The following DPYSL3 variants were observed in gnomAD, a reference collection of about 807,000 sequenced individuals.
DPYSL3 encodes dihydropyrimidinase-related protein 3.
In DPYSL3, 16 loss-of-function variants were observed where a neutral mutation model predicts 66.1. The ratio of observed to expected loss-of-function variants is 0.24; its 90% CI spans 0.16 to 0.37. DPYSL3 has a LOEUF of 0.37. DPYSL3 is among the 10% of genes least tolerant of loss of function. DPYSL3 has a pLI of 1.00. For missense variants in DPYSL3, 738 were observed against 916.2 expected, an observed-to-expected ratio of 0.81 and a Z score of 2.51; for synonymous variants, 338 against 345.1, an observed-to-expected ratio of 0.98 and a Z score of 0.23.
chr5:147,423,444 A>T (rs1235248447), intron 2 of DPYSL3, among the ~76,000 whole-genome samples: 1 of 152,236 alleles, frequency 6.6e-6, no homozygotes, highest in Non-Finnish European at 1.5e-5. Flanking sequence ...GAATAATAAT[A>T]GTACAGTACT....
chr5:147,394,311 T>A (rs1271247599), intron 13 of DPYSL3, among the ~76,000 whole-genome samples, 188 bp from the exon 14 acceptor site: 1 of 152,188 alleles, frequency 6.6e-6, no homozygotes, highest in Non-Finnish European at 1.5e-5. Context: ...CCCCGAAAAC[T>A]AGCCTCTGGT....
chr5:147,455,454 C>T (rs765575712), intron 1 of DPYSL3, among the ~76,000 whole-genome samples: 42 of 152,160 alleles, frequency 2.8e-4, no homozygotes, highest in Admixed American at 7.2e-4. Flanking sequence ...TTGCAAAACA[C>T]AAGGGGGAAT....
rs565653687 is a variant in DPYSL3, at chr5:147,475,204, T to G, written c.381+34274A>C. On this transcript the variant is annotated intron_variant, in intron 1 of 13. Coordinates refer to ENST00000343218, the MANE Select transcript of DPYSL3 (RefSeq NM_001197294.2). The stretch of plus-strand genomic sequence containing the variant: ...CTAAAACCTGGAAACACCCCAAATA[T>G]CCTTCAAAAATTGGTGATATCTGAA... 2.6e-5 allele frequency among the ~76,000 whole-genome samples: 4 copies of G among 152,148 alleles called. No individual in the cohort carries two copies. In the East Asian group the frequency reaches 5.8e-4, roughly 22 times the overall value.
At chr5:147,477,561 C>CTTT (rs56406515) in intron 1 of DPYSL3, among the ~76,000 whole-genome samples, 43 of 64,764 alleles carry the variant, frequency 6.6e-4, no homozygotes, top group African/African-American at 9.1e-4. Flanking sequence ...ACACCTAAAT[C>CTTT]TTTTTTTTTT....
At chr5:147,446,466 G>A (rs1752631181) in intron 1 of DPYSL3, among the ~76,000 whole-genome samples, 1 of 152,202 alleles carries the variant, frequency 6.6e-6, no homozygotes, top group African/African-American at 2.4e-5. Flanking sequence ...ATAGTAATTA[G>A]GCCATGAGAA....
chr5:147,415,846 G>T lies in DPYSL3; in HGVS notation c.683C>A (p.Ser228Tyr). ...IIDHVVPEPESSLTEAYEKWR... is the reference protein window; with the variant it reads ...IIDHVVPEPEYSLTEAYEKWR... ...TTTCTCATAGGCCTCAGTCAGGCTGGACTCAGGCTCAGGCACCACATGGTC... is the reference window on the plus strand; with the variant it reads ...TTTCTCATAGGCCTCAGTCAGGCTGTACTCAGGCTCAGGCACCACATGGTC... Residue 228 changes from serine (S) to tyrosine (Y), a missense_variant, in exon 4 of 14, where the codon TCC becomes TAC. Physicochemically the swap from Ser to Tyr is moderately radical, Grantham distance 144. Transcript: ENST00000343218. The T allele has an allele frequency of 6.2e-7, 1 of 1,614,016 alleles. No individual in the cohort carries two copies. The highest frequency in any genetic ancestry group is 8.5e-7 in the Non-Finnish European group (1 of 1,179,974).
At chr5:147,406,082 C>A (rs374781877) in intron 7 of DPYSL3, 9 of 167,624 alleles carry the variant, frequency 5.4e-5, no homozygotes, top group African/African-American at 2.1e-4. Context: ...AGGACAGAAT[C>A]TCTGGGCAAA....
chr5:147,504,252 A>C (rs1183020396), intron 1 of DPYSL3, among the ~76,000 whole-genome samples: 1 of 152,222 alleles, frequency 6.6e-6, no homozygotes, highest in East Asian at 1.9e-4. Context: ...TGTCAGCAAA[A>C]CCCTGTCTCC....
At chr5:147,403,412 G>A (rs1020463953) in intron 8 of DPYSL3, among the ~76,000 whole-genome samples, 3 of 151,230 alleles carry the variant, frequency 2.0e-5, no homozygotes, top group African/African-American at 7.4e-5. Context: ...AGTAAAAGAA[G>A]CTAAGATAGT....
chr5:147,501,943 A>G (rs1554117908), intron 1 of DPYSL3, among the ~76,000 whole-genome samples: 1 of 152,200 alleles, frequency 6.6e-6, no homozygotes, highest in Non-Finnish European at 1.5e-5. Flanking sequence ...CTCTAAAAAT[A>G]CGAGCTTATT....
chr5:147,455,878 A>C (rs1752843639), intron 1 of DPYSL3, among the ~76,000 whole-genome samples: 1 of 151,932 alleles, frequency 6.6e-6, no homozygotes, highest in Non-Finnish European at 1.5e-5. Context: ...CTCTTTACTA[A>C]ATAGATTTAT....
chr5:147,452,136 A>T (rs1405300643), intron 1 of DPYSL3, among the ~76,000 whole-genome samples: 1 of 152,170 alleles, frequency 6.6e-6, no homozygotes, highest in Non-Finnish European at 1.5e-5. Context: ...TGCATGAAAA[A>T]GGTATGGTGC....
chr5:147,433,290 G>A (rs1455502532), intron 1 of DPYSL3, among the ~76,000 whole-genome samples: 1 of 152,154 alleles, frequency 6.6e-6, no homozygotes, highest in Non-Finnish European at 1.5e-5. Context: ...ACCATGCTCT[G>A]GGTCCGAAGC....
chr5:147,480,445 ACT>A (rs1204033657), intron 1 of DPYSL3, among the ~76,000 whole-genome samples: 2 of 151,458 alleles, frequency 1.3e-5, no homozygotes, highest in African/African-American at 4.9e-5. Flanking sequence ...TGTATAATCG[ACT>A]CTCTGTATCA....
At chr5:147,473,940 A>G (rs759053943) in intron 1 of DPYSL3, among the ~76,000 whole-genome samples, 3 of 152,156 alleles carry the variant, frequency 2.0e-5, no homozygotes, top group Non-Finnish European at 2.9e-5. Flanking sequence ...TGTAACTTAA[A>G]TGCAGTGTTT....
chr5:147,495,642 T>G (rs1753489965), intron 1 of DPYSL3, among the ~76,000 whole-genome samples: 3 of 152,102 alleles, frequency 2.0e-5, no homozygotes, highest in Non-Finnish European at 4.4e-5. Flanking sequence ...TGAACTCCCA[T>G]TCACAATTGC....
chr5:147,411,547 T>C (rs1581179040), intron 6 of DPYSL3, among the ~76,000 whole-genome samples: 1 of 152,206 alleles, frequency 6.6e-6, no homozygotes, highest in African/African-American at 2.4e-5. Context: ...TGGTCTCATG[T>C]ATAAAATAGG....
intron 1 of DPYSL3, among the ~76,000 whole-genome samples, chr5:147,478,033 T>C (rs1015469099): frequency 2.2e-4 from 33 of 152,228 alleles, no homozygotes; most frequent in African/African-American, 7.7e-4. Flanking sequence ...CTCTTGTATC[T>C]TACATTTTGA....
At chr5:147,466,495 C>T (rs183024736) in intron 1 of DPYSL3, among the ~76,000 whole-genome samples, 1 of 152,212 alleles carries the variant, frequency 6.6e-6, no homozygotes, top group South Asian at 2.1e-4. Flanking sequence ...ACTACCTGCA[C>T]CCTGTCTGTT....
Sources: allele counts gnomAD v4.1 joint callset (sites outside exome capture counted in the v4.1 genomes callset), GRCh38; gene constraint gnomAD v4.1.1; transcripts MANE v1.5; gene names NCBI Gene and HGNC (gene_info 2026-07-23, HGNC 2026-07-21).